MRC2: variants seen among roughly 807,000 people sequenced by gnomAD.
MRC2 encodes mannose receptor C-type 2, also known as C-type mannose receptor 2.
In MRC2, 84 loss-of-function variants were observed where a neutral mutation model predicts 206.2. That is an observed-to-expected ratio of 0.41 (90% confidence interval 0.34 to 0.49). The LOEUF is 0.49. Among genes scored for constraint, MRC2 ranks in the 20% least tolerant of loss-of-function variants. The pLI is 0.31. For missense variants in MRC2, 1,676 were observed against 2,001.5 expected (o/e 0.84, Z 3.10); for synonymous variants, 798 against 800.0 (o/e 1.00, Z 0.04).
intron 1 of MRC2, among the ~76,000 whole-genome samples, chr17:62,635,879 C>T (rs1393441879): frequency 1.3e-5 from 2 of 151,968 alleles, no homozygotes; most frequent in Non-Finnish European, 2.9e-5. Context: ...GCTCTGCCTC[C>T]CCGGTTCACG....
chr17:62,634,436 G>C (rs1262941250), intron 1 of MRC2, among the ~76,000 whole-genome samples: 1 of 152,106 alleles, frequency 6.6e-6, no homozygotes, highest in East Asian at 1.9e-4. Flanking sequence ...AAGTAGCTGG[G>C]ACTGTAGGCA....
intron 9 of MRC2, 86 bp downstream of exon 9, chr17:62,674,256 C>CA: frequency 1.0e-6 from 1 of 970,090 alleles, no homozygotes; most frequent in Admixed American, 2.7e-5. Flanking sequence ...ACTCCTGCTG[C>CA]CTCGCATGGC....
intron 14 of MRC2, 42 bp downstream of exon 14, chr17:62,679,944 TTGGTGGGCGGGGC>T (rs1303599307): frequency 1.3e-6 from 2 of 1,562,688 alleles, no homozygotes; most frequent in East Asian, 2.3e-5. Context: ...GGCCGGGAGC[TTGGTGGGCGGGGC>T]CTGTTTGGGG....
At chr17:62,660,593 C>T (rs1016722708) in intron 1 of MRC2, among the ~76,000 whole-genome samples, 2 of 152,314 alleles carry the variant, frequency 1.3e-5, no homozygotes, top group Middle Eastern at 3.4e-3. Context: ...TTAAGAGCCA[C>T]ATCTGAAGAC....
At position 62,627,734 on chromosome 17, in the gene MRC2, C is replaced by A; in HGVS notation, c.-69C>A. On this transcript the variant is annotated 5_prime_UTR_variant, in exon 1 of 30. Transcript: ENST00000303375. ...GCGGGCGGTCATCACAGCCCAGCCT[C>A]GGGGCTGCCACAGCGCGTTGCGCCT... 1 of 1,240,428 alleles carries A rather than the reference C, an allele frequency of 8.1e-7. No individual in the cohort carries two copies. Among genetic ancestry groups the A allele is most frequent in the Non-Finnish European group, 1.0e-6 (1 of 960,268 alleles). 76.8% of individuals were successfully genotyped at this position (1,240,428 alleles called of 1,614,324 possible). A position where few individuals can be genotyped will look rare whatever the true frequency, so the allele number is the denominator to read the frequency against.
chr17:62,639,153 T>C (rs933547930), intron 1 of MRC2, among the ~76,000 whole-genome samples: 21 of 152,110 alleles, frequency 1.4e-4, no homozygotes, highest in Non-Finnish European at 1.2e-4. Flanking sequence ...CTGGCCAACA[T>C]GGTGAAACCC....
At chr17:62,635,507 C>G (rs566464629) in intron 1 of MRC2, among the ~76,000 whole-genome samples, 5 of 152,236 alleles carry the variant, frequency 3.3e-5, no homozygotes, top group Admixed American at 6.5e-5. Context: ...GTTGGGCATA[C>G]CTCTCCCCTT....
In MRC2 at chr17:62,692,044, A is replaced by C. The variant is rs1370589209; in HGVS notation, c.4193-68A>C. On this transcript the variant is annotated intron_variant, in intron 28 of 29. Transcript: ENST00000303375. This position sits in a 1 kb window ranked among gnomAD's most constrained non-coding sequence, Gnocchi z 4.2. ...CCCGGCCCAGGCCTGTGTGCTTTGT[A>C]TGTTTACTTAAGTGATTATTACGAT... is the stretch of plus-strand genomic sequence containing the variant. 2 of 1,606,792 alleles carry C rather than the reference A, an allele frequency of 1.2e-6. No individual in the cohort carries two copies. The highest frequency in any genetic ancestry group is 1.7e-6 in the Non-Finnish European group (2 of 1,173,970).
chr17:62,691,873 C>T (rs2089116073), intron 28 of MRC2, among the ~76,000 whole-genome samples: 1 of 151,984 alleles, frequency 6.6e-6, no homozygotes, highest in Admixed American at 6.6e-5. Context: ...AGGCCTCCCA[C>T]GAGGGCTGGG....
Position 62,688,993 on chromosome 17 carries a change from T to A in MRC2, c.3334+33T>A, listed in dbSNP as rs536898820. 35 of 1,562,124 alleles carry A rather than the reference T, an allele frequency of 2.2e-5. No homozygotes were observed. The Middle Eastern group carries it at 1.2e-3, about 52-fold the overall frequency. ...TCACCAGTCACCTGGGAAACCCCAGTGGGGCCCTGGCACCGGGCTGGATGC... is the reference window on the plus strand; with the variant it reads ...TCACCAGTCACCTGGGAAACCCCAGAGGGGCCCTGGCACCGGGCTGGATGC... On this transcript the variant is annotated intron_variant, in intron 23 of 29. Transcript: ENST00000303375.
chr17:62,659,300 G>A (rs2088653836), intron 1 of MRC2, among the ~76,000 whole-genome samples: 1 of 152,190 alleles, frequency 6.6e-6, no homozygotes, highest in Non-Finnish European at 1.5e-5. Flanking sequence ...AGTACTCTGG[G>A]AGGCCAAGGT....
chr17:62,690,379 T>C, intron 26 of MRC2, 74 bp downstream of exon 26: 4 of 1,520,978 alleles, frequency 2.6e-6, no homozygotes, highest in Non-Finnish European at 3.6e-6. Context: ...GACCCATGAG[T>C]ACATCCCCAC....
intron 1 of MRC2, among the ~76,000 whole-genome samples, chr17:62,628,864 C>G (rs762284286): frequency 7.9e-5 from 12 of 152,102 alleles, no homozygotes; most frequent in Admixed American, 1.3e-4. Context: ...CCCGGCCCAG[C>G]TTGGTCCTGC....
At chr17:62,655,724 A>C (rs1190397185) in intron 1 of MRC2, among the ~76,000 whole-genome samples, 2 of 142,400 alleles carry the variant, frequency 1.4e-5, no homozygotes, top group African/African-American at 5.0e-5. Flanking sequence ...GTCTCTTTAA[A>C]AAAAAAAAAA....
Position 62,686,692 on chromosome 17 carries a change from C to T in MRC2, c.2947-1597C>T, listed in dbSNP as rs572104041. On this transcript the variant is annotated intron_variant, in intron 20 of 29. Coordinates refer to ENST00000303375, the MANE Select transcript of MRC2 (RefSeq NM_006039.5). ...CACATGGCAGGGATGCCCTCAGTGT[C>T]GGCTGGACTGAGCTGAATACCCTCC... 5.3e-5 allele frequency among the ~76,000 whole-genome samples: 8 copies of T among 152,310 alleles called. No individual in the cohort carries two copies. The South Asian group carries it at 6.2e-4, about 12-fold the overall frequency.
Position 62,672,073 on chromosome 17 carries a change from T to C in MRC2, c.1382T>C (p.Val461Ala). ...MNFEWSDGSL[V>A]SFTHWHPFEP... is the part of the protein sequence containing the mutation. ...TTTGAGTGGTCTGACGGGAGCCTTG[T>C]GAGCTTCACCCACTGGCACCCCTTT... The change falls in exon 8 of 30, where the codon GTG becomes GCG. Residue 461 changes from valine to alanine, a missense_variant. Physicochemically the swap from Val to Ala is moderately conservative, Grantham distance 64. Around this residue, in one of 3 missense-constraint regions of MRC2, gnomAD observed 1,354 missense variants for 1,636.6 expected, o/e 0.83. Transcript: ENST00000303375. The surrounding 1 kb of genome is among the most constrained non-coding windows in gnomAD (Gnocchi z 4.5). The C allele has an allele frequency of 1.2e-6, 2 of 1,613,662 alleles. No homozygotes were observed. Among genetic ancestry groups the C allele is most frequent in the South Asian group, 1.1e-5 (1 of 91,068 alleles).
At chr17:62,634,591 G>A (rs375003309) in intron 1 of MRC2, among the ~76,000 whole-genome samples, 44 of 152,266 alleles carry the variant, frequency 2.9e-4, no homozygotes, top group African/African-American at 9.6e-4. Flanking sequence ...GAGCCACCAC[G>A]CCTAGCCCAG....
At chr17:62,635,114 C>T (rs968478613) in intron 1 of MRC2, among the ~76,000 whole-genome samples, 1 of 151,378 alleles carries the variant, frequency 6.6e-6, no homozygotes, top group Non-Finnish European at 1.5e-5. Context: ...TACAGAAGTG[C>T]ACCACCATGC....
intron 1 of MRC2, among the ~76,000 whole-genome samples, chr17:62,636,522 G>A (rs2088322063): frequency 7.1e-6 from 1 of 141,818 alleles, no homozygotes; most frequent in South Asian, 2.2e-4. Flanking sequence ...AGGCTGGAGT[G>A]CAGCGGCGGG....
Sources: gnomAD v4.1 joint callset for allele counts (sites outside exome capture counted in the v4.1 genomes callset) on GRCh38, gnomAD v4.1.1 for gene constraint, gnomAD v4.1.1 regional missense constraint, Gnocchi (gnomAD v3.1) non-coding constraint, MANE v1.5 for transcripts, NCBI Gene and HGNC (gene_info 2026-07-23, HGNC 2026-07-21) for gene names.